The following RDX variants were observed in gnomAD, a reference collection of about 807,000 sequenced individuals.
RDX encodes radixin, also known as deafness, autosomal recessive 24.
In RDX, 32 loss-of-function variants were observed where a neutral mutation model predicts 83.7. The observed-to-expected ratio is 0.38, with a 90% CI of 0.29 to 0.51. RDX has a LOEUF of 0.51. RDX is among the 20% of genes least tolerant of loss of function. RDX has a pLI of 0.87. For missense variants in RDX, 600 were observed against 689.9 expected, an observed-to-expected ratio of 0.87 and a Z score of 1.46; for synonymous variants, 229 against 222.7, an observed-to-expected ratio of 1.03 and a Z score of -0.25.
In RDX at chr11:110,253,891, A is replaced by C. The variant is rs781319990; in HGVS notation, c.959+55T>G. ...ACATTTAAAAAACTGAGCAGTCTTAAATTTTAGATAGCCTACTCCTATCAA... is the reference window on the plus strand; with the variant it reads ...ACATTTAAAAAACTGAGCAGTCTTACATTTTAGATAGCCTACTCCTATCAA... On this transcript the variant is annotated intron_variant, in intron 9 of 13. Coordinates refer to ENST00000645495, the MANE Select transcript of RDX (RefSeq NM_002906.4). The C allele has an allele frequency of 2.6e-6, 4 of 1,537,662 alleles. No homozygotes were observed. In the South Asian group the frequency reaches 3.4e-5, roughly 13 times the overall value.
intron 14 of RDX, among the ~76,000 whole-genome samples, chr11:110,223,587 A>G: frequency 6.6e-6 from 1 of 152,172 alleles, no homozygotes. Flanking sequence ...CTTAGATTCT[A>G]TCAAAAGATT....
At chr11:110,199,159 A>G (rs964408312) in intron 15 of RDX, among the ~76,000 whole-genome samples, 6 of 152,172 alleles carry the variant, frequency 3.9e-5, no homozygotes, top group Non-Finnish European at 5.9e-5. Flanking sequence ...CCAGCAGAAC[A>G]GAAGTGTCAT....
At position 110,254,072 on chromosome 11, in the gene RDX, T is replaced by A. The variant is rs1185421880; in HGVS notation, c.833A>T (p.Lys278Met). 6.2e-7 allele frequency: 1 copy of A among 1,613,600 alleles called. No homozygotes were observed. The highest frequency in any genetic ancestry group is 1.3e-5 in the African/African-American group (1 of 74,896). ...VFYAPRLRIN[K>M]RILALCMGNH... ...TCCCATACATAAGGCCAAAATCCGC[T>A]TATTGATTCTCAGACGAGGTGCATA... The change falls in exon 9 of 14, where the codon AAG (lysine) becomes ATG (methionine). Residue 278 changes from lysine (K) to methionine (M), a missense_variant. Coordinates refer to ENST00000645495, the MANE Select transcript of RDX (RefSeq NM_002906.4).
At position 110,185,872 on chromosome 11, in the gene RDX, G is replaced by C. The variant is rs545930926; in HGVS notation, c.*32-10638C>G. Among the ~76,000 whole-genome samples, 26 of 152,278 alleles carry C rather than the reference G, an allele frequency of 1.7e-4. No individual in the cohort carries two copies. The South Asian group carries it at 5.4e-3, about 32-fold the overall frequency. On this transcript the variant is annotated intron_variant, in intron 15 of 15. Transcript: ENST00000528498. ...GCTCATTCCCCAAAGGAAAATCCGG[G>C]AACAGGACTGGGCTACAAACCTACC...
chr11:110,187,870 T>C (rs1863017884), intron 15 of RDX, among the ~76,000 whole-genome samples: 2 of 152,252 alleles, frequency 1.3e-5, no homozygotes, highest in African/African-American at 4.8e-5. Context: ...GGATCAAGTA[T>C]ACACCCATCT....
At chr11:110,256,644 G>A (rs1859557095) in intron 7 of RDX, among the ~76,000 whole-genome samples, 1 of 152,150 alleles carries the variant, frequency 6.6e-6, no homozygotes, top group Non-Finnish European at 1.5e-5. Flanking sequence ...GAAAGCAGAG[G>A]CGCAAGAATT....
intron 12 of RDX, among the ~76,000 whole-genome samples, chr11:110,234,584 C>T (rs1012069669): frequency 6.6e-6 from 1 of 152,056 alleles, no homozygotes; most frequent in African/African-American, 2.4e-5. Flanking sequence ...CTTTTGTGTG[C>T]ATTTTCTAAT....
intron 14 of RDX, among the ~76,000 whole-genome samples, chr11:110,203,920 T>C (rs1212891052): frequency 6.6e-6 from 1 of 152,182 alleles, no homozygotes. Flanking sequence ...CATGTGCCTA[T>C]AGTCCCAGCT....
chr11:110,244,985 GAC>G (rs1859039613), intron 10 of RDX, among the ~76,000 whole-genome samples: 1 of 139,840 alleles, frequency 7.2e-6, no homozygotes, highest in Admixed American at 7.3e-5. Context: ...TTTTTTTTGA[GAC>G]AGAGTCTCGC....
intron 10 of RDX, among the ~76,000 whole-genome samples, chr11:110,240,487 T>C (rs947038522): frequency 1.3e-5 from 2 of 152,196 alleles, no homozygotes; most frequent in Non-Finnish European, 2.9e-5. Context: ...CTCACGCCTG[T>C]AATCCCAGCA....
intron 9 of RDX, among the ~76,000 whole-genome samples, chr11:110,253,192 T>A (rs1012339573): frequency 6.6e-5 from 10 of 152,182 alleles, no homozygotes; most frequent in Admixed American, 5.2e-4. Context: ...GTACCTTATA[T>A]CCAATATTTA....
chr11:110,271,972 T>C (rs1221941198), intron 3 of RDX, among the ~76,000 whole-genome samples: 1 of 152,258 alleles, frequency 6.6e-6, no homozygotes, highest in Non-Finnish European at 1.5e-5. Context: ...AAACTCAGTA[T>C]GCATAAAATT....
intron 7 of RDX, among the ~76,000 whole-genome samples, chr11:110,255,952 C>CAT (rs1859528459): frequency 6.6e-6 from 1 of 152,062 alleles, no homozygotes; most frequent in Non-Finnish European, 1.5e-5. Context: ...TTTAAACACT[C>CAT]ACATACATAA....
chr11:110,276,576 G>A (rs1368883675), intron 2 of RDX, among the ~76,000 whole-genome samples: 1 of 152,124 alleles, frequency 6.6e-6, no homozygotes, highest in East Asian at 1.9e-4. Flanking sequence ...CTTTGGGTAA[G>A]AATTAACATT....
chr11:110,231,152 G>C lies in RDX; in HGVS notation c.*717C>G, dbSNP rs1417962664. On this transcript the variant is annotated 3_prime_UTR_variant, in exon 14 of 14. Coordinates refer to ENST00000645495, the MANE Select transcript of RDX (RefSeq NM_002906.4). ...ATGGTAGGCAAAAAAAGCCATCAAA[G>C]GATCACAGGAGATAAAACACCAATC... The C allele has an allele frequency of 6.6e-6, 1 of 152,172 alleles. No homozygotes were observed. The highest frequency in any genetic ancestry group is 1.9e-4 in the East Asian group (1 of 5,200). 9.4% of individuals were successfully genotyped at this position (152,172 alleles called of 1,614,324 possible). A position where few individuals can be genotyped will look rare whatever the true frequency, so the allele number is the denominator to read the frequency against.
At chr11:110,290,961 A>G (rs969730413) in intron 1 of RDX, among the ~76,000 whole-genome samples, 15 of 152,240 alleles carry the variant, frequency 9.9e-5, no homozygotes, top group African/African-American at 3.6e-4. Context: ...AGCTCACTAC[A>G]TATGACTATC....
chr11:110,279,561 A>T, intron 2 of RDX, 120 bp downstream of exon 2: 1 of 710,796 alleles, frequency 1.4e-6, no homozygotes, highest in Non-Finnish European at 2.5e-6. Context: ...AAGAGAAATA[A>T]CAGTAGTATC....
chr11:110,273,652 A>G (rs1323864858), intron 2 of RDX, among the ~76,000 whole-genome samples: 6 of 152,252 alleles, frequency 3.9e-5, no homozygotes, highest in Non-Finnish European at 8.8e-5. Context: ...CGCCTTACCA[A>G]AATAATTTTA....
intron 9 of RDX, among the ~76,000 whole-genome samples, chr11:110,249,899 C>T (rs1249212299): frequency 6.6e-6 from 1 of 152,146 alleles, no homozygotes; most frequent in East Asian, 1.9e-4. Flanking sequence ...AAAACTAGGG[C>T]CTGGTGGTCA....
Sources: gnomAD v4.1 joint callset for allele counts (sites outside exome capture counted in the v4.1 genomes callset) on GRCh38, gnomAD v4.1.1 for gene constraint, MANE v1.5 for transcripts, NCBI Gene and HGNC (gene_info 2026-07-23, HGNC 2026-07-21) for gene names.